NIN: variants seen among roughly 807,000 people sequenced by gnomAD.
NIN encodes glycogen synthase kinase 3 beta-interacting protein.
Under a neutral mutation model 257.6 loss-of-function variants are expected in NIN, and 137 were observed. The observed-to-expected ratio is 0.53, with a 90% CI of 0.46 to 0.61. The LOEUF is 0.61. Ranked by LOEUF, NIN falls within the 20% of genes least tolerant of loss-of-function variation. The probability of loss-of-function intolerance (pLI) is 0.00; values close to 1 mark genes in which losing one functional copy is unlikely to be tolerated. For synonymous variants in NIN, 918 were observed against 919.8 expected (o/e 1.00, Z 0.04); for missense variants, 2,439 against 2,501.2 (o/e 0.98, Z 0.53).
At chr14:50,789,398 C>A (rs1321611145) in intron 5 of NIN, among the ~76,000 whole-genome samples, 2 of 152,164 alleles carry the variant, frequency 1.3e-5, no homozygotes, top group Non-Finnish European at 2.9e-5. Flanking sequence ...GATGGTGAAA[C>A]CCCGTCTCTA....
At chr14:50,781,481 A>C (rs1163075900) in intron 5 of NIN, among the ~76,000 whole-genome samples, 1 of 152,246 alleles carries the variant, frequency 6.6e-6, no homozygotes, top group African/African-American at 2.4e-5. Context: ...AGATGCTCCA[A>C]TATACTGTTT....
At chr14:50,792,151 C>A (rs2043623979) in intron 5 of NIN, 1 of 152,300 alleles carries the variant, frequency 6.6e-6, no homozygotes. Flanking sequence ...CGAGACAGGC[C>A]TGGGTGCAAG....
Position 50,770,464 on chromosome 14 carries a change from A to G in NIN, c.1358T>C (p.Leu453Ser). Reference protein sequence around the residue: ...QILQQAGKQRLELEQEIEKAK... With the variant: ...QILQQAGKQRSELEQEIEKAK... ...CTTTTCAATTTCCTGTTCAAGTTCT[A>G]AACGCTGCTTGCCTGCCTGCTGCAG... Residue 453 changes from leucine (L) to serine (S), a missense_variant, in exon 12 of 31, where the codon TTA (leucine) becomes TCA (serine). Around this residue, in one of 3 missense-constraint regions of NIN, gnomAD observed 2,043 missense variants for 2,050.2 expected, o/e 1.00. Coordinates refer to ENST00000530997, the MANE Select transcript of NIN (RefSeq NM_020921.4). 6.2e-7 allele frequency: 1 copy of G among 1,614,220 alleles called. No individual in the cohort carries two copies. Among genetic ancestry groups the G allele is most frequent in the Non-Finnish European group, 8.5e-7 (1 of 1,180,040 alleles).
At chr14:50,768,752 T>C (rs1454990938) in intron 12 of NIN, among the ~76,000 whole-genome samples, 2 of 152,184 alleles carry the variant, frequency 1.3e-5, no homozygotes, top group Non-Finnish European at 2.9e-5. Flanking sequence ...AGCATGATTG[T>C]AACGGATATT....
chr14:50,729,823 T>A, intron 28 of NIN, 100 bp from the exon 29 acceptor site: 2 of 894,640 alleles, frequency 2.2e-6, no homozygotes, highest in Non-Finnish European at 3.3e-6. Flanking sequence ...ATTAATTCAT[T>A]AATAACCCCA....
At chr14:50,808,372 C>A (rs554378102) in intron 3 of NIN, among the ~76,000 whole-genome samples, 1 of 152,198 alleles carries the variant, frequency 6.6e-6, no homozygotes, top group African/African-American at 2.4e-5. Context: ...GCACTCAGGC[C>A]ACTTGACGGG....
At chr14:50,760,436 G>A (rs1383564945) in intron 16 of NIN, 77 bp from the exon 17 acceptor site, 28 of 544,214 alleles carry the variant, frequency 5.1e-5, no homozygotes, top group Non-Finnish European at 7.7e-5. Context: ...AGCAGCAATT[G>A]CTTTTTTTTT....
chr14:50,764,141 G>GA (rs2141690680), intron 14 of NIN, among the ~76,000 whole-genome samples, 177 bp from the exon 15 acceptor site: 1 of 152,254 alleles, frequency 6.6e-6, no homozygotes, highest in East Asian at 1.9e-4. Flanking sequence ...CTTGTAACTA[G>GA]AATATATAAA....
intron 4 of NIN, among the ~76,000 whole-genome samples, chr14:50,805,680 T>A (rs2044294402): frequency 6.6e-6 from 1 of 152,256 alleles, no homozygotes; most frequent in South Asian, 2.1e-4. Flanking sequence ...TAATGATTTA[T>A]GCTCAGTTTC....
chr14:50,812,602 C>G (rs1021351011), intron 3 of NIN, among the ~76,000 whole-genome samples: 3 of 152,152 alleles, frequency 2.0e-5, no homozygotes, highest in Admixed American at 2.0e-4. Flanking sequence ...AAGATAGAAG[C>G]TGGTATGTGC....
At position 50,720,745 on chromosome 14, in the gene NIN, G is replaced by C. The variant is rs1297386936; in HGVS notation, c.*2718C>G. The C allele has an allele frequency of 2.5e-5, 5 of 203,654 alleles. No homozygotes were observed. The highest frequency in any genetic ancestry group is 4.0e-5 in the Non-Finnish European group (4 of 99,222). 12.6% of individuals were successfully genotyped at this position (203,654 alleles called of 1,614,324 possible). A position where few individuals can be genotyped will look rare whatever the true frequency, so the allele number is the denominator to read the frequency against. The stretch of plus-strand genomic sequence containing the variant: ...AAGCTTAAGTGCAGGCTTCTAAAAA[G>C]CAGAAGAGAGTACAATAGGATGAGA... On this transcript the variant is annotated 3_prime_UTR_variant, in exon 31 of 31. Coordinates refer to ENST00000530997, the MANE Select transcript of NIN (RefSeq NM_020921.4).
chr14:50,822,723 A>G (rs552073678), intron 2 of NIN, among the ~76,000 whole-genome samples: 1 of 152,318 alleles, frequency 6.6e-6, no homozygotes, highest in South Asian at 2.1e-4. Context: ...ACATGAAACT[A>G]AATGCCTTTT....
intron 22 of NIN, among the ~76,000 whole-genome samples, chr14:50,745,318 C>G (rs886692804): frequency 6.6e-6 from 1 of 152,092 alleles, no homozygotes; most frequent in Non-Finnish European, 1.5e-5. Flanking sequence ...AAAATGTGCC[C>G]AGACATTGAT....
chr14:50,825,904 G>C (rs1485108024), intron 2 of NIN, among the ~76,000 whole-genome samples: 1 of 152,132 alleles, frequency 6.6e-6, no homozygotes, highest in Non-Finnish European at 1.5e-5. Flanking sequence ...AGCCTACAAG[G>C]CACCAGGGAT....
In NIN at chr14:50,757,688, C is replaced by T; in HGVS notation, c.3342G>A (p.Glu1114=). The change falls in exon 18 of 31, where the codon GAG becomes GAA. Residue 1114 remains glutamate (E), a synonymous_variant. Transcript: ENST00000530997. ...TTTGTTCCGCAGTATTTCCAAAAAA[C>T]TCAGTAGCTGGCTCATCCAAACAAG... is the stretch of plus-strand genomic sequence containing the variant. ...MSSCLDEPAT[E]FFGNTAEQTE... is the part of the protein sequence containing the mutation. The T allele has an allele frequency of 1.2e-6, 2 of 1,614,214 alleles. No homozygotes were observed. The highest frequency in any genetic ancestry group is 1.7e-6 in the Non-Finnish European group (2 of 1,180,042).
chr14:50,780,271 G>T (rs112829575), intron 5 of NIN, among the ~76,000 whole-genome samples: 1 of 152,204 alleles, frequency 6.6e-6, no homozygotes, highest in Admixed American at 6.5e-5. Context: ...TCCAAACGGG[G>T]CTGCTGTCAT....
intron 21 of NIN, among the ~76,000 whole-genome samples, chr14:50,748,320 G>A (rs760943158): frequency 4.6e-5 from 7 of 152,102 alleles, no homozygotes; most frequent in Admixed American, 2.0e-4. Flanking sequence ...TTGATGGAAC[G>A]TATCTCCAAA....
intron 28 of NIN, among the ~76,000 whole-genome samples, chr14:50,731,812 G>A (rs764074734): frequency 3.3e-5 from 5 of 152,154 alleles, no homozygotes; most frequent in Non-Finnish European, 4.4e-5. Context: ...GTGACAGAGC[G>A]AGACTCCGTT....
chr14:50,830,505 C>A lies in NIN; in HGVS notation c.-63G>T. 6.0e-6 allele frequency: 1 copy of A among 167,662 alleles called. No individual in the cohort carries two copies. The highest frequency in any genetic ancestry group is 1.5e-5 in the Non-Finnish European group (1 of 68,332). The allele number at this position is 167,662 out of a possible 1,614,324, so 10.4% of individuals were successfully genotyped here. A position where few individuals can be genotyped will look rare whatever the true frequency, so the allele number is the denominator to read the frequency against. ...CGGAGCGCCCGCACAGCCGGCAGCC[C>A]GCCTCCAGCGCTCTGCAAAGCGAAG... On this transcript the variant is annotated 5_prime_UTR_variant, in exon 2 of 31. Transcript: ENST00000530997.
Sources: allele counts gnomAD v4.1 joint callset (sites outside exome capture counted in the v4.1 genomes callset), GRCh38; gene constraint gnomAD v4.1.1; regional missense constraint gnomAD v4.1.1; transcripts MANE v1.5; gene names NCBI Gene and HGNC (gene_info 2026-07-23, HGNC 2026-07-21).